Variants in TNIK observed in about 807,000 individuals in gnomAD.
TNIK encodes TRAF2 and NCK interacting kinase, also known as TRAF2 and NCK-interacting protein kinase.
In TNIK, 49 loss-of-function variants were observed where a neutral mutation model predicts 191.3. The ratio of observed to expected loss-of-function variants is 0.26; its 90% CI spans 0.20 to 0.32. TNIK has a LOEUF of 0.32. Ranked by LOEUF, TNIK falls within the 10% of genes least tolerant of loss-of-function variation. The pLI is 1.00. For synonymous variants in TNIK, 594 were observed against 600.9 expected, an observed-to-expected ratio of 0.99 and a Z score of 0.17; for missense variants, 1,155 against 1,702.3, an observed-to-expected ratio of 0.68 and a Z score of 5.66.
chr3:171,395,303 TTCCTTTTGTCATCAGTAAAACAG>T (rs1720078647), intron 1 of TNIK, among the ~76,000 whole-genome samples: 1 of 152,198 alleles, frequency 6.6e-6, no homozygotes. Flanking sequence ...TCTCCAAGCC[TTCCTTTTGTCATCAGTAAAACAG>T]GGATTATCAG....
chr3:171,070,644 A>G (rs943867999), intron 29 of TNIK, among the ~76,000 whole-genome samples: 1 of 152,128 alleles, frequency 6.6e-6, no homozygotes, highest in African/African-American at 2.4e-5. Context: ...ACTCCTGGCA[A>G]ATCTCATGAG....
intron 4 of TNIK, among the ~76,000 whole-genome samples, chr3:171,196,237 G>T (rs1352479323): frequency 1.3e-5 from 2 of 152,152 alleles, no homozygotes; most frequent in African/African-American, 4.8e-5. Flanking sequence ...AATAAATGAA[G>T]AAGACATAGT....
intron 2 of TNIK, among the ~76,000 whole-genome samples, chr3:171,320,008 GGA>G (rs1755013819): frequency 1.3e-5 from 2 of 152,096 alleles, no homozygotes. Context: ...GCGTAGGAGA[GGA>G]GAGTTTAATC....
chr3:171,411,638 A>G (rs1189896041), intron 1 of TNIK, among the ~76,000 whole-genome samples: 1 of 152,202 alleles, frequency 6.6e-6, no homozygotes, highest in Non-Finnish European at 1.5e-5. Flanking sequence ...CTGGACATAC[A>G]GATTTAATTC....
intron 2 of TNIK, among the ~76,000 whole-genome samples, chr3:171,241,157 A>G (rs1017931010): frequency 1.5e-4 from 23 of 151,720 alleles, no homozygotes; most frequent in African/African-American, 5.6e-4. Flanking sequence ...CAGCCTCCCG[A>G]GTAGCTGGGA....
chr3:171,235,489 C>T (rs1036469839), intron 2 of TNIK, among the ~76,000 whole-genome samples: 2 of 151,986 alleles, frequency 1.3e-5, no homozygotes, highest in South Asian at 4.2e-4. Context: ...CAATAGCCTT[C>T]CCTATCCCCT....
chr3:171,091,576 C>T (rs1722061376), intron 23 of TNIK, among the ~76,000 whole-genome samples: 1 of 152,040 alleles, frequency 6.6e-6, no homozygotes, highest in Non-Finnish European at 1.5e-5. Context: ...AACCCCATCT[C>T]TACTAAAATA....
intron 1 of TNIK, among the ~76,000 whole-genome samples, chr3:171,407,102 G>C (rs926227174): frequency 1.3e-5 from 2 of 152,176 alleles, no homozygotes; most frequent in Non-Finnish European, 2.9e-5. Flanking sequence ...GAGAGCTGGG[G>C]ACTGGGGTCC....
chr3:171,251,359 G>A (rs1228062276), intron 2 of TNIK, among the ~76,000 whole-genome samples: 1 of 152,194 alleles, frequency 6.6e-6, no homozygotes, highest in East Asian at 1.9e-4. Context: ...GTTGTTAGAG[G>A]CCTGAGATGA....
chr3:171,108,171 A>G lies in TNIK; in HGVS notation c.2285-9T>C. ...TTCTGACTTACTGTTGGCTAGAGGAAAAAAACAGAGGACCAAGAAAGAGAT... is the reference window on the plus strand; with the variant it reads ...TTCTGACTTACTGTTGGCTAGAGGAGAAAAACAGAGGACCAAGAAAGAGAT... On this transcript the variant is annotated splice_polypyrimidine_tract_variant and intron_variant, in intron 19 of 32. Transcript: ENST00000436636. 1 of 1,531,522 alleles carries G rather than the reference A, an allele frequency of 6.5e-7. No individual in the cohort carries two copies. The highest frequency in any genetic ancestry group is 1.3e-5 in the South Asian group (1 of 79,448). 94.9% of individuals were successfully genotyped at this position (1,531,522 alleles called of 1,614,324 possible).
intron 2 of TNIK, among the ~76,000 whole-genome samples, chr3:171,230,513 CT>C (rs907852938): frequency 6.6e-6 from 1 of 152,164 alleles, no homozygotes; most frequent in African/African-American, 2.4e-5. Flanking sequence ...AGCTGACCCC[CT>C]TTCTGCCATA....
intron 2 of TNIK, among the ~76,000 whole-genome samples, chr3:171,354,909 C>A (rs1420765122): frequency 6.6e-6 from 1 of 152,190 alleles, no homozygotes; most frequent in East Asian, 1.9e-4. Flanking sequence ...GACTAGAAAA[C>A]AATACTCAAA....
At position 171,413,618 on chromosome 3, in the gene TNIK, A is replaced by G. The variant is rs1002401396; in HGVS notation, c.58-43933T>C. Among the ~76,000 whole-genome samples the G allele has an allele frequency of 2.0e-5, 3 of 152,100 alleles. No individual in the cohort carries two copies. In the South Asian group the frequency reaches 6.2e-4, roughly 32 times the overall value. On this transcript the variant is annotated intron_variant, in intron 1 of 32. Coordinates refer to ENST00000436636, the MANE Select transcript of TNIK (RefSeq NM_015028.4). ...TCCCATGACCAATTTGGCCCCCATT[A>G]ATCCATTTTGTTTTTCTACTGAATT...
intron 2 of TNIK, among the ~76,000 whole-genome samples, chr3:171,244,484 A>G (rs907729970): frequency 6.6e-6 from 1 of 152,208 alleles, no homozygotes; most frequent in East Asian, 1.9e-4. Flanking sequence ...TTCTGGGGGA[A>G]AAAACCACTT....
chr3:171,237,140 C>T (rs966657177), intron 2 of TNIK, among the ~76,000 whole-genome samples: 3 of 152,140 alleles, frequency 2.0e-5, no homozygotes, highest in Non-Finnish European at 4.4e-5. Flanking sequence ...CAAAGGACCA[C>T]AGTGTTCCCA....
intron 11 of TNIK, among the ~76,000 whole-genome samples, 169 bp downstream of exon 11, chr3:171,161,101 T>A (rs1254977482): frequency 6.6e-6 from 1 of 152,222 alleles, no homozygotes; most frequent in African/African-American, 2.4e-5. Context: ...CGTAATGGTC[T>A]GCCTAGGGAA....
intron 2 of TNIK, among the ~76,000 whole-genome samples, chr3:171,301,130 G>A (rs1752827077): frequency 6.6e-6 from 1 of 151,956 alleles, no homozygotes; most frequent in Non-Finnish European, 1.5e-5. Context: ...TTTCAATTTA[G>A]TACCACCAAG....
At position 171,093,919 on chromosome 3, in the gene TNIK, C is replaced by G; in HGVS notation, c.2641G>C (p.Gly881Arg). 10 of 1,613,906 alleles carry G rather than the reference C, an allele frequency of 6.2e-6. No individual in the cohort carries two copies. The highest frequency in any genetic ancestry group is 7.6e-6 in the Non-Finnish European group (9 of 1,179,856). ...TGAGAGGTCTCCAGCCCATGCGTCC[C>G]CACCATTCCCACATTGTACTGCTCG... ...SNEQYNVGMV[G>R]THGLETSHAD... The change falls in exon 23 of 33, where the codon GGG becomes CGG. Residue 881 changes from glycine (G) to arginine (R), a missense_variant. Physicochemically the swap from Gly to Arg is moderately radical, Grantham distance 125. This residue lies in a region of TNIK where 735 missense variants were observed against 848.0 expected (regional missense o/e 0.87). Coordinates refer to ENST00000436636, the MANE Select transcript of TNIK (RefSeq NM_015028.4).
At chr3:171,309,334 AAG>A (rs1753779944) in intron 2 of TNIK, among the ~76,000 whole-genome samples, 1 of 152,120 alleles carries the variant, frequency 6.6e-6, no homozygotes, top group Non-Finnish European at 1.5e-5. Context: ...CTCACTTAAT[AAG>A]TGAGAGCTAA....
Sources: gnomAD v4.1 joint callset for allele counts (sites outside exome capture counted in the v4.1 genomes callset) on GRCh38, gnomAD v4.1.1 for gene constraint, gnomAD v4.1.1 regional missense constraint, MANE v1.5 for transcripts, NCBI Gene and HGNC (gene_info 2026-07-23, HGNC 2026-07-21) for gene names.